FOXP1: variants seen among roughly 807,000 people sequenced by gnomAD.
The protein encoded by FOXP1 is forkhead box P1.
FOXP1 carries 15 observed loss-of-function variants against 98.2 expected under a neutral mutation model. The observed-to-expected ratio is 0.15, with a 90% confidence interval of 0.10 to 0.24. The LOEUF (loss-of-function observed/expected upper bound fraction) is 0.24, where lower values mean the gene tolerates loss of function less well. Ranked by LOEUF, FOXP1 falls within the 10% of genes least tolerant of loss-of-function variation. The pLI is 1.00. For missense variants in FOXP1, 633 were observed against 848.5 expected (o/e 0.75, Z 3.15); for synonymous variants, 371 against 314.5 (o/e 1.18, Z -1.90).
At chr3:71,108,334 C>A (rs566851812) in intron 7 of FOXP1, among the ~76,000 whole-genome samples, 71 of 152,270 alleles carry the variant, frequency 4.7e-4, no homozygotes, top group African/African-American at 1.7e-3. Context: ...AAAATTTGAT[C>A]AATAAAATTG....
In FOXP1 at chr3:71,345,871, T is replaced by TAAAAA. The variant is rs71120316; in HGVS notation, c.-73+13274_-73+13278dup. On this transcript the variant is annotated intron_variant, in intron 4 of 20. Coordinates refer to ENST00000649528, the MANE Select transcript of FOXP1 (RefSeq NM_001349338.3). The stretch of plus-strand genomic sequence containing the variant: ...AGGTTTGAAATCAATAAAGTTTTTG[T>TAAAAA]AAAAAAAAAAAAAAAAAAAAAAAAA... 5.4e-4 allele frequency among the ~76,000 whole-genome samples: 30 copies of TAAAAA among 55,096 alleles called. 1 individual carries two copies. The highest frequency in any genetic ancestry group is 8.4e-4 in the Non-Finnish European group (25 of 29,648). 36.1% of individuals were successfully genotyped at this position (55,096 alleles called of 152,430 possible). A position where few individuals can be genotyped will look rare whatever the true frequency, so the allele number is the denominator to read the frequency against.
chr3:71,022,629 C>T (rs962335042), intron 11 of FOXP1, among the ~76,000 whole-genome samples: 1 of 152,102 alleles, frequency 6.6e-6, no homozygotes, highest in African/African-American at 2.4e-5. Context: ...GCACTATTTC[C>T]CTATAGGAAT....
At chr3:71,391,795 A>T (rs1428092563) in intron 3 of FOXP1, among the ~76,000 whole-genome samples, 1 of 152,202 alleles carries the variant, frequency 6.6e-6, no homozygotes, top group African/African-American at 2.4e-5. Flanking sequence ...CACTGCAGCA[A>T]TCTATATCTG....
At chr3:71,494,619 G>A (rs1056356281) in intron 2 of FOXP1, among the ~76,000 whole-genome samples, 3 of 152,176 alleles carry the variant, frequency 2.0e-5, no homozygotes, top group African/African-American at 7.2e-5. Context: ...AATCTGTCCA[G>A]ATGTATTCTA....
chr3:71,310,148 CTAT>C (rs1170663069), intron 4 of FOXP1, among the ~76,000 whole-genome samples: 3 of 152,184 alleles, frequency 2.0e-5, no homozygotes, highest in Non-Finnish European at 4.4e-5. Context: ...TGATCAGAAT[CTAT>C]TATTTTCCCG....
At position 71,397,077 on chromosome 3, in the gene FOXP1, T is replaced by C. The variant is rs12639470; in HGVS notation, c.-167-37833A>G. 3.9e-3 allele frequency among the ~76,000 whole-genome samples: 226 copies of C among 57,962 alleles called. 21 individuals are homozygous for C. The East Asian group carries it at 0.15, about 39-fold the overall frequency. The allele number at this position is 57,962 out of a possible 152,430, so 38.0% of individuals were successfully genotyped here. A position where few individuals can be genotyped will look rare whatever the true frequency, so the allele number is the denominator to read the frequency against. ...ATATATATGTGTATATATATATACA[T>C]ATATATGTGTATATATATATATACA... On this transcript the variant is annotated intron_variant, in intron 3 of 20. Transcript: ENST00000649528.
chr3:71,384,218 AAAC>A (rs1286176642), intron 3 of FOXP1, among the ~76,000 whole-genome samples: 2 of 147,888 alleles, frequency 1.4e-5, no homozygotes, highest in Non-Finnish European at 3.0e-5. Flanking sequence ...CGTCTCAGCA[AAAC>A]AAACAAACAA....
At chr3:71,349,095 C>T (rs751461749) in intron 4 of FOXP1, among the ~76,000 whole-genome samples, 14 of 152,246 alleles carry the variant, frequency 9.2e-5, no homozygotes, top group Non-Finnish European at 1.8e-4. Context: ...TAACCATGTG[C>T]CACTACACTA....
intron 2 of FOXP1, among the ~76,000 whole-genome samples, chr3:71,569,884 G>A (rs1304264392): frequency 6.6e-6 from 1 of 151,982 alleles, no homozygotes; most frequent in African/African-American, 2.4e-5. Context: ...CTGGGTTCAG[G>A]CCATTCTCCT....
intron 11 of FOXP1, among the ~76,000 whole-genome samples, chr3:71,022,108 G>A (rs892604671): frequency 8.6e-5 from 13 of 151,986 alleles, no homozygotes; most frequent in Admixed American, 6.6e-4. Flanking sequence ...TTAAGCCTAT[G>A]GTCTGTTTTA....
At chr3:71,209,643 G>A (rs190508777) in intron 5 of FOXP1, among the ~76,000 whole-genome samples, 34 of 152,236 alleles carry the variant, frequency 2.2e-4, no homozygotes, top group Non-Finnish European at 4.1e-4. Context: ...CAATAAGTTC[G>A]GTGTGTCCCT....
chr3:71,139,650 G>A (rs1004560123), intron 6 of FOXP1, among the ~76,000 whole-genome samples: 8 of 149,950 alleles, frequency 5.3e-5, no homozygotes, highest in Non-Finnish European at 1.2e-4. Flanking sequence ...CTGTTCCTCG[G>A]CTCTATGGAT....
intron 4 of FOXP1, among the ~76,000 whole-genome samples, chr3:71,307,594 C>G (rs1427230592): frequency 6.6e-6 from 1 of 152,112 alleles, no homozygotes; most frequent in Admixed American, 6.6e-5. Context: ...GTTAGATAAC[C>G]CAGGTCCATA....
intron 6 of FOXP1, among the ~76,000 whole-genome samples, chr3:71,183,413 C>T (rs1276668212): frequency 1.3e-5 from 2 of 152,104 alleles, no homozygotes; most frequent in African/African-American, 4.8e-5. Flanking sequence ...GGAGGAGAAT[C>T]GCTTGAACCC....
intron 14 of FOXP1, among the ~76,000 whole-genome samples, chr3:70,979,774 T>C (rs2038470654): frequency 7.9e-6 from 1 of 125,924 alleles, no homozygotes; most frequent in Non-Finnish European, 1.8e-5. Context: ...ACTCACACTC[T>C]AGTTAAAAAA....
In FOXP1 at chr3:71,349,507, C is replaced by T. The variant is rs115011267; in HGVS notation, c.-73+9643G>A. Among the ~76,000 whole-genome samples the T allele has an allele frequency of 7.5e-3, 1,138 of 151,958 alleles. 15 individuals are homozygous for T. Among genetic ancestry groups the T allele is most frequent in the African/African-American group, 0.026 (1,081 of 41,444 alleles). On this transcript the variant is annotated intron_variant, in intron 4 of 20. Coordinates refer to ENST00000649528, the MANE Select transcript of FOXP1 (RefSeq NM_001349338.3). ...ATCCAAATATGGGATGAATTGTGGG[C>T]CAAGGAGAAAATATGATGGACATGA...
At chr3:71,353,642 A>G (rs2077948262) in intron 4 of FOXP1, among the ~76,000 whole-genome samples, 1 of 152,206 alleles carries the variant, frequency 6.6e-6, no homozygotes, top group African/African-American at 2.4e-5. Flanking sequence ...AATAAAAGAA[A>G]TGGCTATTTT....
At chr3:71,228,796 A>G (rs184342921) in intron 5 of FOXP1, among the ~76,000 whole-genome samples, 5 of 152,354 alleles carry the variant, frequency 3.3e-5, no homozygotes, top group Non-Finnish European at 1.5e-5. Context: ...AACAGAGAAA[A>G]TTGGCTGGCA....
chr3:71,430,684 T>C (rs1369251143), intron 3 of FOXP1, among the ~76,000 whole-genome samples: 2 of 152,194 alleles, frequency 1.3e-5, no homozygotes, highest in African/African-American at 4.8e-5. Context: ...CTCCCAGACT[T>C]ATCCCTAAAA....
Sources: allele counts gnomAD v4.1 joint callset (sites outside exome capture counted in the v4.1 genomes callset), GRCh38; gene constraint gnomAD v4.1.1; transcripts MANE v1.5; gene names NCBI Gene and HGNC (gene_info 2026-07-23, HGNC 2026-07-21).